GPM6A: variants seen among roughly 807,000 people sequenced by gnomAD.
The protein encoded by GPM6A is glycoprotein M6A.
GPM6A carries 7 observed loss-of-function variants against 32.1 expected under a neutral mutation model. The observed-to-expected ratio is 0.22, with a 90% CI of 0.12 to 0.41. The LOEUF is 0.41. GPM6A is among the 10% of genes least tolerant of loss of function. The pLI is 1.00. For missense variants in GPM6A, 235 were observed against 347.2 expected (o/e 0.68, Z 2.57); for synonymous variants, 130 against 123.4 (o/e 1.05, Z -0.35).
intron 1 of GPM6A, among the ~76,000 whole-genome samples, chr4:175,771,754 G>A (rs1357862050): frequency 6.6e-6 from 1 of 152,050 alleles, no homozygotes; most frequent in African/African-American, 2.4e-5. Context: ...GTTTATTACT[G>A]CATCAGGCAT....
At chr4:175,935,518 A>G (rs1409873356) in intron 1 of GPM6A, among the ~76,000 whole-genome samples, 1 of 152,206 alleles carries the variant, frequency 6.6e-6, no homozygotes, top group Non-Finnish European at 1.5e-5. Flanking sequence ...TTCTAAAACC[A>G]CTACTGGAAC....
chr4:175,955,475 G>A (rs1739955269), intron 1 of GPM6A, among the ~76,000 whole-genome samples: 1 of 152,248 alleles, frequency 6.6e-6, no homozygotes, highest in African/African-American at 2.4e-5. Flanking sequence ...GCTAATACAT[G>A]TAAAGCATTA....
intron 2 of GPM6A, among the ~76,000 whole-genome samples, chr4:175,685,330 T>A (rs1258874400): frequency 1.3e-5 from 2 of 152,236 alleles, no homozygotes; most frequent in Non-Finnish European, 2.9e-5. Context: ...TCAACAAGAA[T>A]GAAGAATACC....
At chr4:175,842,344 C>A (rs1169506907) in intron 1 of GPM6A, among the ~76,000 whole-genome samples, 1 of 152,032 alleles carries the variant, frequency 6.6e-6, no homozygotes, top group Non-Finnish European at 1.5e-5. Context: ...TCATAACAAT[C>A]CTGTGTAGTG....
intron 1 of GPM6A, among the ~76,000 whole-genome samples, chr4:175,993,421 T>C (rs1238607978): frequency 6.6e-6 from 1 of 152,102 alleles, no homozygotes; most frequent in Non-Finnish European, 1.5e-5. Flanking sequence ...CTGTCTCATC[T>C]ACTTTTCAGC....
chr4:175,724,417 G>A (rs1258804309), intron 1 of GPM6A, among the ~76,000 whole-genome samples: 3 of 152,248 alleles, frequency 2.0e-5, no homozygotes, highest in South Asian at 2.1e-4. Flanking sequence ...GATGGTGGAT[G>A]CCTGTAATCC....
At chr4:175,667,590 A>G (rs1014754193) in intron 3 of GPM6A, among the ~76,000 whole-genome samples, 11 of 152,312 alleles carry the variant, frequency 7.2e-5, no homozygotes, top group African/African-American at 2.4e-4. Flanking sequence ...CTATTGGTTC[A>G]TTAATTGTAG....
At chr4:175,844,399 C>T (rs1423796753) in intron 1 of GPM6A, among the ~76,000 whole-genome samples, 3 of 152,164 alleles carry the variant, frequency 2.0e-5, no homozygotes, top group South Asian at 4.1e-4. Flanking sequence ...TACTCTCTGT[C>T]AACAATACAT....
intron 1 of GPM6A, among the ~76,000 whole-genome samples, chr4:175,828,697 CA>C (rs2111362598): frequency 6.6e-6 from 1 of 151,950 alleles, no homozygotes; most frequent in East Asian, 1.9e-4. Context: ...ATACAATAAG[CA>C]AAATAATAAT....
chr4:175,750,597 GGGTCTGGCTCTGTCGCCAAGGCTAGAGT>G (rs869258276), intron 1 of GPM6A, among the ~76,000 whole-genome samples: 1 of 125,854 alleles, frequency 7.9e-6, no homozygotes, highest in Non-Finnish European at 1.9e-5. Flanking sequence ...TTTTTGACAG[GGGTCTGGCTCTGTCGCCAAGGCTAGAGT>G]GTGGTGGACC....
chr4:175,717,882 T>A (rs1404117126), intron 1 of GPM6A, among the ~76,000 whole-genome samples: 1 of 152,216 alleles, frequency 6.6e-6, no homozygotes, highest in South Asian at 2.1e-4. Context: ...GCATTTTCTG[T>A]TGCTAAATAA....
intron 3 of GPM6A, among the ~76,000 whole-genome samples, chr4:175,657,699 A>G (rs995896927): frequency 2.6e-5 from 4 of 152,168 alleles, no homozygotes; most frequent in Non-Finnish European, 4.4e-5. Context: ...ACTTGAGGCC[A>G]GATCATTCTT....
intron 1 of GPM6A, among the ~76,000 whole-genome samples, chr4:175,892,664 A>T (rs1737683797): frequency 6.6e-6 from 1 of 152,150 alleles, no homozygotes; most frequent in Non-Finnish European, 1.5e-5. Flanking sequence ...CTGGCACATG[A>T]CCTTCACCCA....
intron 1 of GPM6A, among the ~76,000 whole-genome samples, chr4:175,778,917 AATT>A (rs1341818283): frequency 9.5e-4 from 143 of 151,312 alleles, no homozygotes; most frequent in African/African-American, 3.3e-3. Flanking sequence ...ATTACTATAT[AATT>A]ATACATATAA....
intron 1 of GPM6A, among the ~76,000 whole-genome samples, chr4:175,867,874 T>C (rs1394109370): frequency 6.6e-6 from 1 of 152,226 alleles, no homozygotes; most frequent in Non-Finnish European, 1.5e-5. Flanking sequence ...GCACATTTGG[T>C]TCTGGTTAAA....
chr4:175,790,078 G>T (rs1733952442), intron 1 of GPM6A, among the ~76,000 whole-genome samples: 1 of 152,064 alleles, frequency 6.6e-6, no homozygotes, highest in South Asian at 2.1e-4. Flanking sequence ...TAAATATCTA[G>T]CTTTTTACAC....
At chr4:175,945,701 G>A (rs1445053027) in intron 1 of GPM6A, among the ~76,000 whole-genome samples, 2 of 150,144 alleles carry the variant, frequency 1.3e-5, no homozygotes, top group South Asian at 2.1e-4. Context: ...TATATTACTT[G>A]TAAGTTATAT....
intron 1 of GPM6A, among the ~76,000 whole-genome samples, chr4:175,810,607 C>G (rs1375173846): frequency 2.0e-5 from 3 of 152,218 alleles, no homozygotes; most frequent in African/African-American, 7.2e-5. Context: ...CACATTCAAC[C>G]TGTTACCACA....
chr4:175,810,191 C>T (rs1265749302), intron 1 of GPM6A, among the ~76,000 whole-genome samples: 3 of 152,260 alleles, frequency 2.0e-5, no homozygotes, highest in Admixed American at 1.3e-4. Context: ...TTACAACCCA[C>T]GCACATATCG....
Sources: gnomAD v4.1 joint callset for allele counts (sites outside exome capture counted in the v4.1 genomes callset) on GRCh38, gnomAD v4.1.1 for gene constraint, MANE v1.5 for transcripts, NCBI Gene and HGNC (gene_info 2026-07-23, HGNC 2026-07-21) for gene names.